ANXA4: variants seen among roughly 807,000 people sequenced by gnomAD.
ANXA4 encodes 35-beta calcimedin.
ANXA4 carries 39 observed loss-of-function variants against 49.8 expected under a neutral mutation model. The ratio of observed to expected loss-of-function variants is 0.78; its 90% CI spans 0.61 to 1.02. ANXA4 has a LOEUF of 1.02. ANXA4 is among the 50% of genes least tolerant of loss of function. The probability of loss-of-function intolerance (pLI) is 0.00; values close to 1 mark genes in which losing one functional copy is unlikely to be tolerated. For missense variants in ANXA4, 360 were observed against 410.1 expected, an observed-to-expected ratio of 0.88 and a Z score of 1.05; for synonymous variants, 134 against 152.5, an observed-to-expected ratio of 0.88 and a Z score of 0.89.
chr2:69,669,859 G>A (rs1029011286), intron 2 of ANXA4, among the ~76,000 whole-genome samples: 2 of 151,980 alleles, frequency 1.3e-5, no homozygotes, highest in Non-Finnish European at 2.9e-5. Flanking sequence ...TTCTCCCACC[G>A]CTACTCAAGA....
chr2:69,757,260 ATATATATTT>A (rs1336170734), intron 1 of ANXA4, among the ~76,000 whole-genome samples: 1,572 of 51,056 alleles, frequency 0.031, 4 homozygotes, highest in East Asian at 0.075. Flanking sequence ...ATATATATAT[ATATATATTT>A]TTTTTTTTTT....
intron 2 of ANXA4, among the ~76,000 whole-genome samples, chr2:69,661,768 G>A (rs1387456016): frequency 6.6e-6 from 1 of 151,736 alleles, no homozygotes; most frequent in Non-Finnish European, 1.5e-5. Flanking sequence ...TTTTGCACTG[G>A]ATACGTCTGA....
rs542992812 is a variant in ANXA4, at chr2:69,667,018, C to T, written n.766+13736C>T. ...CTGAGATCACATCACTGCACTTCAGCCTGGCCGATAGAGTGAGACTCCATC... is the reference window on the plus strand; with the variant it reads ...CTGAGATCACATCACTGCACTTCAGTCTGGCCGATAGAGTGAGACTCCATC... On this transcript the variant is annotated intron_variant and non_coding_transcript_variant, in intron 2 of 3. Coordinates refer to the ANXA4 transcript ENST00000418066. Among the ~76,000 whole-genome samples, 149 of 151,952 alleles carry T rather than the reference C, an allele frequency of 9.8e-4. 1 individual carries two copies. Among genetic ancestry groups the T allele is most frequent in the Non-Finnish European group, 1.6e-3 (107 of 67,944 alleles).
chr2:69,737,793 A>C (rs1311732171), upstream of ANXA4, among the ~76,000 whole-genome samples: 1 of 152,114 alleles, frequency 6.6e-6, no homozygotes, highest in Non-Finnish European at 1.5e-5. Flanking sequence ...TTCTCAGAGA[A>C]GATCAATAAT....
At chr2:69,812,523 C>T in intron 7 of ANXA4, 130 bp from the exon 8 acceptor site, 1 of 696,854 alleles carries the variant, frequency 1.4e-6, no homozygotes, top group Non-Finnish European at 2.4e-6. Flanking sequence ...GTCTGTCCTC[C>T]CTCCCTGGGT....
chr2:69,816,195 G>C lies in ANXA4; in HGVS notation c.628+1G>C. ...CGGAACCGAAATCACCTGTTGCATG[G>C]TAAGGCACTTACTTCATTTCCCAAA... On this transcript the variant is annotated splice_donor_variant, in intron 9 of 12. Transcript: ENST00000394295. LOFTEE classifies it high-confidence loss of function. The C allele has an allele frequency of 6.2e-7, 1 of 1,613,556 alleles. No homozygotes were observed. Among genetic ancestry groups the C allele is most frequent in the South Asian group, 1.1e-5 (1 of 91,070 alleles).
chr2:69,797,014 A>G (rs1188283171), intron 3 of ANXA4, among the ~76,000 whole-genome samples: 1 of 152,104 alleles, frequency 6.6e-6, no homozygotes, highest in Non-Finnish European at 1.5e-5. Flanking sequence ...GATTAAAATC[A>G]AGGTTCCCTT....
At chr2:69,682,369 G>A (rs1202678719) in intron 2 of ANXA4, among the ~76,000 whole-genome samples, 1 of 151,694 alleles carries the variant, frequency 6.6e-6, no homozygotes, top group East Asian at 1.9e-4. Flanking sequence ...CTATGTTGTG[G>A]AATCTATTGA....
intron 4 of ANXA4, 69 bp from the exon 5 acceptor site, chr2:69,806,316 A>G (rs1266231833): frequency 8.7e-7 from 1 of 1,153,858 alleles, no homozygotes; most frequent in Middle Eastern, 1.9e-4. Context: ...ACATCCCTGG[A>G]CCACACCTGG....
intron 2 of ANXA4, among the ~76,000 whole-genome samples, chr2:69,676,618 G>A (rs1677421851): frequency 6.6e-6 from 1 of 152,110 alleles, no homozygotes; most frequent in Non-Finnish European, 1.5e-5. Context: ...TCTCTGGCCG[G>A]GCACAGTGGC....
chr2:69,737,724 A>G (rs1670279932), upstream of ANXA4, among the ~76,000 whole-genome samples: 1 of 152,060 alleles, frequency 6.6e-6, no homozygotes, highest in Non-Finnish European at 1.5e-5. Flanking sequence ...TCAGCCTACC[A>G]AGCAGCAGGG....
chr2:69,646,820 C>T (rs1224439733), intron 1 of ANXA4, among the ~76,000 whole-genome samples: 1 of 152,274 alleles, frequency 6.6e-6, no homozygotes, highest in East Asian at 1.9e-4. Flanking sequence ...CCACTAGATG[C>T]TGACTAACTG....
chr2:69,662,035 A>G (rs1359059946), intron 2 of ANXA4, among the ~76,000 whole-genome samples: 1 of 152,224 alleles, frequency 6.6e-6, no homozygotes, highest in African/African-American at 2.4e-5. Context: ...AGTGACCATT[A>G]TATCTCATGA....
At chr2:69,762,155 C>G (rs1359770049) in intron 1 of ANXA4, among the ~76,000 whole-genome samples, 1 of 152,222 alleles carries the variant, frequency 6.6e-6, no homozygotes, top group Non-Finnish European at 1.5e-5. Context: ...CTCAGTCTCT[C>G]TAGCCACTTT....
chr2:69,743,738 A>G (rs529988761), intron 1 of ANXA4, among the ~76,000 whole-genome samples: 44 of 152,160 alleles, frequency 2.9e-4, no homozygotes, highest in Non-Finnish European at 4.9e-4. Context: ...CCACCCACAC[A>G]TAGACAGGCA....
At chr2:69,771,853 G>A (rs113340073) in intron 1 of ANXA4, among the ~76,000 whole-genome samples, 2 of 152,122 alleles carry the variant, frequency 1.3e-5, no homozygotes, top group African/African-American at 4.8e-5. Flanking sequence ...TGTAATCTTA[G>A]TTGAAATAAG....
At chr2:69,765,620 T>C (rs56234191) in intron 1 of ANXA4, among the ~76,000 whole-genome samples, 33,927 of 152,162 alleles carry the variant, frequency 0.22, 3,857 homozygotes, top group East Asian at 0.34. Context: ...TCTAGCACTA[T>C]ATATTAGCTT....
intron 3 of ANXA4, among the ~76,000 whole-genome samples, chr2:69,793,801 A>G (rs1275787317): frequency 6.6e-6 from 1 of 151,938 alleles, no homozygotes; most frequent in African/African-American, 2.4e-5. Context: ...ACCGGAAGCC[A>G]TTCTAGGTGC....
At chr2:69,787,974 C>G in intron 2 of ANXA4, 80 bp from the exon 3 acceptor site, 1 of 1,248,454 alleles carries the variant, frequency 8.0e-7, no homozygotes, top group Non-Finnish European at 1.2e-6. Context: ...GGTCAGTGCT[C>G]AACAAATGTT....
Sources: allele counts gnomAD v4.1 joint callset (sites outside exome capture counted in the v4.1 genomes callset), GRCh38; gene constraint gnomAD v4.1.1; transcripts MANE v1.5; gene names NCBI Gene and HGNC (gene_info 2026-07-23, HGNC 2026-07-21).